The following HOOK3 variants were observed in gnomAD, a reference collection of about 807,000 sequenced individuals.
The protein encoded by HOOK3 is hook microtubule tethering protein 3, also known as protein Hook homolog 3.
Under a neutral mutation model 116.3 loss-of-function variants are expected in HOOK3, and 24 were observed. The observed-to-expected ratio is 0.21, with a 90% CI of 0.15 to 0.29. HOOK3 has a LOEUF of 0.29. HOOK3 is among the 10% of genes least tolerant of loss of function. The pLI is 1.00. For missense variants in HOOK3, 632 were observed against 830.2 expected, an observed-to-expected ratio of 0.76 and a Z score of 2.93; for synonymous variants, 275 against 283.0, an observed-to-expected ratio of 0.97 and a Z score of 0.28.
At chr8:42,932,103 C>T (rs556980669) in intron 4 of HOOK3, among the ~76,000 whole-genome samples, 1 of 152,148 alleles carries the variant, frequency 6.6e-6, no homozygotes, top group Non-Finnish European at 1.5e-5. Context: ...GTCATTGGTA[C>T]ATCCCAGCCA....
chr8:42,955,542 T>G (rs1808417468), intron 6 of HOOK3, among the ~76,000 whole-genome samples: 1 of 152,040 alleles, frequency 6.6e-6, no homozygotes, highest in South Asian at 2.1e-4. Flanking sequence ...ATTAAACAAA[T>G]GAACCTAGGA....
intron 3 of HOOK3, among the ~76,000 whole-genome samples, chr8:42,926,482 C>A (rs1360677174): frequency 1.3e-5 from 2 of 152,122 alleles, no homozygotes; most frequent in Non-Finnish European, 2.9e-5. Context: ...GACGGGGTTT[C>A]ACCCTGTTGA....
At chr8:42,969,611 C>T (rs551067334) in intron 11 of HOOK3, among the ~76,000 whole-genome samples, 1 of 152,168 alleles carries the variant, frequency 6.6e-6, no homozygotes, top group Admixed American at 6.5e-5. Context: ...GCTTTTGTGC[C>T]GCATGTGACT....
At chr8:42,925,736 C>A (rs1370604698) in intron 3 of HOOK3, 107 bp downstream of exon 3, 2 of 672,816 alleles carry the variant, frequency 3.0e-6, no homozygotes, top group Admixed American at 6.1e-5. Context: ...GCTTAGGTAG[C>A]CTGTAATGAA....
chr8:43,016,149 T>G (rs1040198873), intron 21 of HOOK3, among the ~76,000 whole-genome samples: 1 of 148,102 alleles, frequency 6.8e-6, no homozygotes, highest in African/African-American at 2.5e-5. Flanking sequence ...ATGGAGTCTT[T>G]CTCTGTCGCC....
chr8:42,980,846 T>C (rs1808925924), intron 13 of HOOK3, among the ~76,000 whole-genome samples: 1 of 151,714 alleles, frequency 6.6e-6, no homozygotes, highest in South Asian at 2.1e-4. Context: ...ATCGCGCCAC[T>C]GCACTCCAGC....
At chr8:42,973,611 T>G (rs1808766031) in intron 12 of HOOK3, among the ~76,000 whole-genome samples, 1 of 152,230 alleles carries the variant, frequency 6.6e-6, no homozygotes. Flanking sequence ...TCAGATTTCT[T>G]TTTTATATAG....
chr8:42,945,886 C>T (rs1159681896), intron 5 of HOOK3, among the ~76,000 whole-genome samples: 1 of 152,072 alleles, frequency 6.6e-6, no homozygotes, highest in Non-Finnish European at 1.5e-5. Flanking sequence ...GTTGAAGTTA[C>T]TTGAAGACCA....
rs1806995488 is a variant in HOOK3 at position 42,897,055 on chromosome 8, C to G, written c.-77C>G. On this transcript the variant is annotated 5_prime_UTR_variant, in exon 1 of 22. Coordinates refer to ENST00000307602, the MANE Select transcript of HOOK3 (RefSeq NM_032410.4). ...CGGGCCTGAGGCCGAGTCAGCTGCG[C>G]GGGCCCCCGGATCCCCCGACAGAGC... 1.8e-6 allele frequency: 2 copies of G among 1,119,180 alleles called. No individual in the cohort carries two copies. The highest frequency in any genetic ancestry group is 2.3e-6 in the Non-Finnish European group (2 of 881,242). 69.3% of individuals were successfully genotyped at this position (1,119,180 alleles called of 1,614,324 possible).
intron 19 of HOOK3, among the ~76,000 whole-genome samples, chr8:43,011,673 A>G (rs996647232): frequency 2.0e-5 from 3 of 152,058 alleles, no homozygotes; most frequent in African/African-American, 7.2e-5. Context: ...CAGGAGTTTG[A>G]GGTCAGTCTG....
intron 4 of HOOK3, among the ~76,000 whole-genome samples, chr8:42,933,061 A>G (rs1357660398): frequency 6.6e-6 from 1 of 152,220 alleles, no homozygotes; most frequent in Non-Finnish European, 1.5e-5. Context: ...TTCTATTTCT[A>G]GAAATTGGTC....
At chr8:42,980,870 G>A (rs1470551349) in intron 13 of HOOK3, among the ~76,000 whole-genome samples, 1 of 151,740 alleles carries the variant, frequency 6.6e-6, no homozygotes, top group Non-Finnish European at 1.5e-5. Context: ...GGTGACAAGA[G>A]TGAAACTCCT....
intron 4 of HOOK3, among the ~76,000 whole-genome samples, chr8:42,933,392 T>C (rs138580232): frequency 6.6e-6 from 1 of 152,354 alleles, no homozygotes; most frequent in East Asian, 1.9e-4. Context: ...AAAGGTAACA[T>C]GATGCATACA....
At chr8:42,903,350 T>TTTTTTTTTTTTTTTC (rs1563287035) in intron 1 of HOOK3, among the ~76,000 whole-genome samples, 10 of 143,538 alleles carry the variant, frequency 7.0e-5, no homozygotes, top group African/African-American at 2.1e-4. Flanking sequence ...TTTTTTTTTT[T>TTTTTTTTTTTTTTTC]TTTTTTTTTT....
At chr8:42,941,146 T>A (rs563464027) in intron 4 of HOOK3, among the ~76,000 whole-genome samples, 3 of 151,472 alleles carry the variant, frequency 2.0e-5, no homozygotes, top group African/African-American at 7.3e-5. Context: ...GGGATTTTAC[T>A]ATGTTGGCCA....
In HOOK3 at chr8:43,026,116, G is replaced by T; in HGVS notation, c.*7618G>T. On this transcript the variant is annotated 3_prime_UTR_variant, in exon 22 of 22. Coordinates refer to ENST00000307602, the MANE Select transcript of HOOK3 (RefSeq NM_032410.4). ...GGCGTTAACACTTGAGTGGTAACTA[G>T]CTTGATGAAGGAAAATAATTACTTT... The T allele has an allele frequency of 4.8e-6, 1 of 208,114 alleles. No individual in the cohort carries two copies. The highest frequency in any genetic ancestry group is 9.8e-6 in the Non-Finnish European group (1 of 102,302). 12.9% of individuals were successfully genotyped at this position (208,114 alleles called of 1,614,324 possible).
chr8:42,959,341 T>C (rs753040447), intron 8 of HOOK3, 27 bp downstream of exon 8: 1 of 1,395,972 alleles, frequency 7.2e-7, no homozygotes, highest in Non-Finnish European at 1.0e-6. Context: ...GTGCACCACC[T>C]CTTTGAAACA....
chr8:42,977,513 A>G (rs1194523430), intron 13 of HOOK3, among the ~76,000 whole-genome samples: 1 of 152,234 alleles, frequency 6.6e-6, no homozygotes, highest in African/African-American at 2.4e-5. Context: ...AAAAAGATGT[A>G]TGGAGATACC....
At chr8:42,909,998 T>C (rs1390758957) in intron 2 of HOOK3, among the ~76,000 whole-genome samples, 1 of 152,166 alleles carries the variant, frequency 6.6e-6, no homozygotes, top group Non-Finnish European at 1.5e-5. Context: ...AGGAATACAT[T>C]TTTTTGAGAT....
Sources: gnomAD v4.1 joint callset for allele counts (sites outside exome capture counted in the v4.1 genomes callset) on GRCh38, gnomAD v4.1.1 for gene constraint, MANE v1.5 for transcripts, NCBI Gene and HGNC (gene_info 2026-07-23, HGNC 2026-07-21) for gene names.